The following SLC66A3 variants were observed in gnomAD, a reference collection of about 807,000 sequenced individuals.
SLC66A3 encodes the protein PQ loop repeat containing 3.
Under a neutral mutation model 25.5 loss-of-function variants are expected in SLC66A3, and 23 were observed. The ratio of observed to expected loss-of-function variants is 0.90; its 90% CI spans 0.65 to 1.28. SLC66A3 has a LOEUF of 1.28. SLC66A3 is among the 50% of genes most tolerant of loss of function. SLC66A3 has a pLI of 0.00. For missense variants in SLC66A3, 246 were observed against 262.1 expected (o/e 0.94, Z 0.42); for synonymous variants, 108 against 112.6 (o/e 0.96, Z 0.26).
intron 1 of SLC66A3, among the ~76,000 whole-genome samples, chr2:11,158,455 G>C (rs555780225): frequency 3.3e-4 from 51 of 152,340 alleles, no homozygotes; most frequent in Admixed American, 2.7e-3. Flanking sequence ...GAGGTCAGGA[G>C]ATCAAGACCA....
chr2:11,166,223 T>G (rs1662338120), intron 4 of SLC66A3, among the ~76,000 whole-genome samples: 2 of 152,294 alleles, frequency 1.3e-5, no homozygotes, highest in East Asian at 3.9e-4. Flanking sequence ...TAGCTTCTTC[T>G]TAGGTTCATA....
intron 6 of SLC66A3, among the ~76,000 whole-genome samples, chr2:11,176,994 C>T (rs770598068): frequency 2.0e-5 from 3 of 152,114 alleles, no homozygotes; most frequent in Non-Finnish European, 4.4e-5. Context: ...TATTTTTCCA[C>T]AAAGAGACAC....
At chr2:11,173,498 A>C (rs1157756674) in intron 5 of SLC66A3, among the ~76,000 whole-genome samples, 2 of 152,188 alleles carry the variant, frequency 1.3e-5, no homozygotes, top group Admixed American at 1.3e-4. Flanking sequence ...CTTTTATTTA[A>C]ATGATGATTT....
At chr2:11,164,851 G>T (rs1164278969) in intron 4 of SLC66A3, among the ~76,000 whole-genome samples, 1 of 152,144 alleles carries the variant, frequency 6.6e-6, no homozygotes, top group Non-Finnish European at 1.5e-5. Flanking sequence ...CACTGGGTTG[G>T]GGGTAAGGTT....
intron 6 of SLC66A3, among the ~76,000 whole-genome samples, chr2:11,176,525 CT>C (rs775778444): frequency 7.1e-4 from 62 of 87,304 alleles, no homozygotes; most frequent in East Asian, 2.2e-3. Context: ...CTGGGAATAA[CT>C]TTTTTTTTTT....
Position 11,155,616 on chromosome 2 carries a change from C to A in SLC66A3, c.70C>A (p.Gln24Lys). Residue 24 changes from glutamine to lysine, a missense_variant, in exon 1 of 7, where the codon CAG becomes AAG. Physicochemically the swap from Gln to Lys is moderately conservative, Grantham distance 53. This residue lies in a region of SLC66A3 where 142 missense variants were observed against 130.3 expected (regional missense o/e 1.09). Transcript: ENST00000295083. The stretch of plus-strand genomic sequence containing the variant: ...CGTGTGCGCCGCGCTGAAGCTGCCG[C>A]AGATCTCCGCTGTGCTAGCGGCGCG... ...LGVCAALKLP[Q>K]ISAVLAARSA... 6.5e-7 allele frequency: 1 copy of A among 1,528,286 alleles called. No individual in the cohort carries two copies. Among genetic ancestry groups the A allele is most frequent in the East Asian group, 2.6e-5 (1 of 37,802 alleles). The allele number at this position is 1,528,286 out of a possible 1,614,324, so 94.7% of individuals were successfully genotyped here. A position where few individuals can be genotyped will look rare whatever the true frequency, so the allele number is the denominator to read the frequency against.
chr2:11,165,431 G>A (rs1399559799), intron 4 of SLC66A3, among the ~76,000 whole-genome samples: 1 of 150,946 alleles, frequency 6.6e-6, no homozygotes, highest in East Asian at 2.0e-4. Context: ...GGGCAGCCGG[G>A]CAGAGGGGCT....
chr2:11,164,874 C>G (rs1043538828), intron 4 of SLC66A3, among the ~76,000 whole-genome samples: 13 of 152,368 alleles, frequency 8.5e-5, no homozygotes, highest in South Asian at 4.1e-4. Context: ...AGATCAACAG[C>G]ATCCCAAGGC....
chr2:11,155,664 C>A lies in SLC66A3; in HGVS notation c.118C>A (p.Pro40Thr). The change falls in exon 1 of 7, where the codon CCG (proline) becomes ACG (threonine). Residue 40 changes from proline to threonine, a missense_variant. Pro to Thr is a conservative substitution (Grantham distance 38). Around this residue, in one of 3 missense-constraint regions of SLC66A3, gnomAD observed 142 missense variants for 130.3 expected, o/e 1.09. Transcript: ENST00000295083. ...GCGCAGCGCGCGGGGCCTCAGCCTTCCGAGTTTACTTCTGGAGCTGGCAGG... is the reference window on the plus strand; with the variant it reads ...GCGCAGCGCGCGGGGCCTCAGCCTTACGAGTTTACTTCTGGAGCTGGCAGG... Reference protein sequence around the residue: ...AARSARGLSLPSLLLELAGFL... With the variant: ...AARSARGLSLTSLLLELAGFL... The A allele has an allele frequency of 1.4e-6, 2 of 1,469,040 alleles. No individual in the cohort carries two copies. Among genetic ancestry groups the A allele is most frequent in the Non-Finnish European group, 1.8e-6 (2 of 1,116,558 alleles). 91.0% of individuals were successfully genotyped at this position (1,469,040 alleles called of 1,614,324 possible). A position where few individuals can be genotyped will look rare whatever the true frequency, so the allele number is the denominator to read the frequency against.
chr2:11,167,431 A>G (rs1662384183), intron 4 of SLC66A3, among the ~76,000 whole-genome samples: 2 of 152,240 alleles, frequency 1.3e-5, no homozygotes, highest in Non-Finnish European at 2.9e-5. Flanking sequence ...CAACAGAGCA[A>G]GACTCCATTT....
In SLC66A3 at chr2:11,178,618, C is replaced by T. The variant is rs78192494; in HGVS notation, c.*790C>T. ...ATGTTTTGTCTATTGAAAACATACACGGTAAATGGTGTTGTTAGGTAGGTT... is the reference window on the plus strand; with the variant it reads ...ATGTTTTGTCTATTGAAAACATACATGGTAAATGGTGTTGTTAGGTAGGTT... On this transcript the variant is annotated 3_prime_UTR_variant, in exon 7 of 7. Coordinates refer to ENST00000295083, the MANE Select transcript of SLC66A3 (RefSeq NM_152391.5). 6.0e-3 allele frequency: 909 copies of T among 152,652 alleles called. 27 individuals are homozygous for T. The East Asian group carries it at 0.086, about 14-fold the overall frequency. 9.5% of individuals were successfully genotyped at this position (152,652 alleles called of 1,614,324 possible).
In SLC66A3 at chr2:11,164,101, G is replaced by A. The variant is rs111782084; in HGVS notation, c.297-103G>A. 62 of 673,520 alleles carry A rather than the reference G, an allele frequency of 9.2e-5. 1 individual carries two copies. The African/African-American group carries it at 1.0e-3, about 11-fold the overall frequency. The allele number at this position is 673,520 out of a possible 1,614,324, so 41.7% of individuals were successfully genotyped here. A position where few individuals can be genotyped will look rare whatever the true frequency, so the allele number is the denominator to read the frequency against. The stretch of plus-strand genomic sequence containing the variant: ...GCATGTCCTCCCCTCCCACCCACCT[G>A]GCTTCTGCGTGCCGCTGTCTGTGGT... On this transcript the variant is annotated intron_variant, in intron 3 of 6. Transcript: ENST00000295083.
chr2:11,174,992 C>T lies in SLC66A3; in HGVS notation c.500C>T (p.Thr167Ile), dbSNP rs539125603. Reference sequence around the variant, plus strand: ...GCAAGAATAATCACAACCTTAATGACCACCAATGATTTTACAAGTAAGCAA... The same window carrying T: ...GCAAGAATAATCACAACCTTAATGATCACCAATGATTTTACAAGTAAGCAA... Reference protein sequence around the residue: ...CATRIITTLMTTNDFTILLRF... With the variant: ...CATRIITTLMITNDFTILLRF... The change falls in exon 6 of 7, where the codon ACC becomes ATC. Residue 167 changes from threonine (T) to isoleucine (I), a missense_variant. Around this residue, in one of 3 missense-constraint regions of SLC66A3, gnomAD observed 93 missense variants for 102.6 expected, o/e 0.91. Transcript: ENST00000295083. 2 of 1,608,296 alleles carry T rather than the reference C, an allele frequency of 1.2e-6. No individual in the cohort carries two copies. The highest frequency in any genetic ancestry group is 1.7e-6 in the Non-Finnish European group (2 of 1,177,858).
chr2:11,155,714 G>T lies in SLC66A3; in HGVS notation c.143+25G>T. 2.2e-6 allele frequency: 3 copies of T among 1,366,568 alleles called. No individual in the cohort carries two copies. In the East Asian group the frequency reaches 8.7e-5, roughly 40 times the overall value. 84.7% of individuals were successfully genotyped at this position (1,366,568 alleles called of 1,614,324 possible). A position where few individuals can be genotyped will look rare whatever the true frequency, so the allele number is the denominator to read the frequency against. On this transcript the variant is annotated intron_variant, in intron 1 of 6. Coordinates refer to ENST00000295083, the MANE Select transcript of SLC66A3 (RefSeq NM_152391.5). ...GGTAAGGCCCGGGGCGGCCGGGGCT[G>T]CCTCCTGCCCCCTCGCAGCTGCTGC...
intron 1 of SLC66A3, among the ~76,000 whole-genome samples, chr2:11,158,587 G>A (rs1370952193): frequency 1.3e-5 from 2 of 152,212 alleles, no homozygotes; most frequent in African/African-American, 4.8e-5. Flanking sequence ...GCGTGAACCC[G>A]GGAGGCGGAG....
At chr2:11,172,101 A>G (rs1662578265) in intron 5 of SLC66A3, 56 bp downstream of exon 5, 2 of 1,567,970 alleles carry the variant, frequency 1.3e-6, no homozygotes, top group Admixed American at 3.5e-5. Flanking sequence ...GTGTCTACGT[A>G]GTAGGGTGTT....
At chr2:11,162,543 G>C (rs537754278) in intron 3 of SLC66A3, among the ~76,000 whole-genome samples, 100 of 152,294 alleles carry the variant, frequency 6.6e-4, no homozygotes, top group African/African-American at 2.3e-3. Flanking sequence ...ATCTCCCATT[G>C]GTTGTGACTT....
intron 1 of SLC66A3, among the ~76,000 whole-genome samples, chr2:11,156,148 G>A (rs36082833): frequency 0.66 from 100,532 of 152,016 alleles, 33,879 homozygotes; most frequent in East Asian, 0.97. Flanking sequence ...CTCTTCTCCC[G>A]GTGATTGGTG....
At chr2:11,177,616 C>A in intron 6 of SLC66A3, 121 bp from the exon 7 acceptor site, 1 of 623,864 alleles carries the variant, frequency 1.6e-6, no homozygotes, top group Non-Finnish European at 2.7e-6. Flanking sequence ...ATAACTGGAA[C>A]CAAAATTGTT....
Sources: allele counts gnomAD v4.1 joint callset (sites outside exome capture counted in the v4.1 genomes callset), GRCh38; gene constraint gnomAD v4.1.1; regional missense constraint gnomAD v4.1.1; transcripts MANE v1.5; gene names NCBI Gene and HGNC (gene_info 2026-07-23, HGNC 2026-07-21).